Variants in BAZ1A observed in about 807,000 individuals in gnomAD.
The protein encoded by BAZ1A is bromodomain adjacent to zinc finger domain 1A, also known as bromodomain adjacent to zinc finger domain protein 1A.
Under a neutral mutation model 185.2 loss-of-function variants are expected in BAZ1A, and 50 were observed. That is an observed-to-expected ratio of 0.27 (90% CI 0.22 to 0.34). The LOEUF (loss-of-function observed/expected upper bound fraction) is 0.34. BAZ1A is among the 10% of genes least tolerant of loss of function. The probability of loss-of-function intolerance (pLI) is 1.00; values close to 1 mark genes in which losing one functional copy is unlikely to be tolerated. For synonymous variants in BAZ1A, 571 were observed against 615.6 expected, an observed-to-expected ratio of 0.93 and a Z score of 1.07; for missense variants, 1,356 against 1,839.9, an observed-to-expected ratio of 0.74 and a Z score of 4.81.
chr14:34,858,428 C>G (rs2042717178), intron 3 of BAZ1A, among the ~76,000 whole-genome samples: 1 of 152,080 alleles, frequency 6.6e-6, no homozygotes, highest in African/African-American at 2.4e-5. Context: ...ATTGACTACT[C>G]CCTTGTCAAT....
intron 23 of BAZ1A, 29 bp downstream of exon 23, chr14:34,764,674 TACTG>T (rs1878702052): frequency 1.9e-6 from 3 of 1,564,212 alleles, no homozygotes; most frequent in Non-Finnish European, 2.6e-6. Flanking sequence ...AACTAAGACT[TACTG>T]ACTCATTTTA....
intron 2 of BAZ1A, among the ~76,000 whole-genome samples, chr14:34,865,346 T>G (rs1371461523): frequency 6.6e-6 from 1 of 152,204 alleles, no homozygotes; most frequent in African/African-American, 2.4e-5. Flanking sequence ...TTTTCCTGCT[T>G]TACACTTTGT....
At chr14:34,767,340 A>G (rs1878918175) in intron 21 of BAZ1A, among the ~76,000 whole-genome samples, 1 of 152,138 alleles carries the variant, frequency 6.6e-6, no homozygotes, top group Non-Finnish European at 1.5e-5. Flanking sequence ...ACATGAGGCC[A>G]CGAGTTTGAG....
intron 2 of BAZ1A, among the ~76,000 whole-genome samples, chr14:34,865,993 G>A (rs909556945): frequency 4.0e-5 from 6 of 151,818 alleles, no homozygotes; most frequent in Non-Finnish European, 8.8e-5. Context: ...TTCGAGACCA[G>A]ACTGCGCAAC....
intron 4 of BAZ1A, among the ~76,000 whole-genome samples, chr14:34,819,554 C>A (rs531954325): frequency 6.6e-6 from 1 of 152,078 alleles, no homozygotes. Flanking sequence ...ATTTAAATTT[C>A]TTTTAGTACA....
chr14:34,826,452 T>C (rs1457837077), intron 3 of BAZ1A, among the ~76,000 whole-genome samples: 4 of 152,234 alleles, frequency 2.6e-5, no homozygotes, highest in Non-Finnish European at 5.9e-5. Flanking sequence ...GTTGTAAAGT[T>C]AGGTTGCTGA....
intron 11 of BAZ1A, among the ~76,000 whole-genome samples, chr14:34,793,569 G>A (rs1296531411): frequency 6.6e-6 from 1 of 152,198 alleles, no homozygotes; most frequent in East Asian, 1.9e-4. Context: ...AGCACTTTGC[G>A]AGGCCAAGGT....
At chr14:34,758,234 A>T (rs2138530716) in intron 25 of BAZ1A, among the ~76,000 whole-genome samples, 1 of 151,922 alleles carries the variant, frequency 6.6e-6, no homozygotes, top group East Asian at 1.9e-4. Context: ...GCGAACCAAA[A>T]TATGCCACTG....
intron 2 of BAZ1A, among the ~76,000 whole-genome samples, chr14:34,870,962 G>A (rs1217873512): frequency 1.3e-5 from 2 of 152,094 alleles, no homozygotes; most frequent in Admixed American, 1.3e-4. Context: ...AACATAATTT[G>A]GACCACCTGT....
At chr14:34,846,608 G>A (rs1038069700) in intron 3 of BAZ1A, among the ~76,000 whole-genome samples, 1 of 152,132 alleles carries the variant, frequency 6.6e-6, no homozygotes, top group African/African-American at 2.4e-5. Flanking sequence ...ATTTTCATTT[G>A]TTTTTGTGAC....
At chr14:34,851,454 T>G (rs1396134533) in intron 3 of BAZ1A, among the ~76,000 whole-genome samples, 1 of 150,944 alleles carries the variant, frequency 6.6e-6, no homozygotes, top group East Asian at 2.0e-4. Flanking sequence ...TCTCTCAAAC[T>G]CTAATTCTAT....
At chr14:34,770,259 T>C (rs986975622) in intron 21 of BAZ1A, among the ~76,000 whole-genome samples, 1 of 152,234 alleles carries the variant, frequency 6.6e-6, no homozygotes, top group Non-Finnish European at 1.5e-5. Context: ...GTTCAAGCGA[T>C]TCTCCTGCCT....
intron 16 of BAZ1A, among the ~76,000 whole-genome samples, chr14:34,782,010 C>T (rs981484202): frequency 5.3e-5 from 8 of 152,154 alleles, no homozygotes; most frequent in African/African-American, 1.4e-4. Context: ...TTTGTGTATA[C>T]ATTTTTGGAT....
rs770503386 is a variant in BAZ1A, at chr14:34,775,956, C to A, written c.2796G>T (p.Gln932His). 6 of 1,607,246 alleles carry A rather than the reference C, an allele frequency of 3.7e-6. No individual in the cohort carries two copies. In the African/African-American group the frequency reaches 8.0e-5, roughly 22 times the overall value. Residue 932 changes from glutamine to histidine, a missense_variant, in exon 18 of 27, where the codon CAG becomes CAT. Physicochemically the swap from Gln to His is conservative, Grantham distance 24 (BLOSUM62 0). This residue lies in a region of BAZ1A where 434 missense variants were observed against 561.7 expected (regional missense o/e 0.77). Transcript: ENST00000360310. ...ATTTCTCTTCAGAAAAACGGGCTAG[C>A]TGTGCACATATTCTGCTTTTCTCTT... ...LLQEKSRICA[Q>H]LARFSEEKFH...
chr14:34,838,726 T>C (rs2042366834), intron 3 of BAZ1A, among the ~76,000 whole-genome samples: 1 of 152,056 alleles, frequency 6.6e-6, no homozygotes, highest in African/African-American at 2.4e-5. Context: ...GGTTTCACCA[T>C]GTTAACCAGG....
At chr14:34,830,188 T>G (rs1346177459) in intron 3 of BAZ1A, among the ~76,000 whole-genome samples, 1 of 151,954 alleles carries the variant, frequency 6.6e-6, no homozygotes, top group East Asian at 1.9e-4. Flanking sequence ...AACTTGTACA[T>G]AAATGTTCAA....
rs1886286151 is a variant in BAZ1A at position 34,757,140 on chromosome 14, G to GGGCA, written c.4386+1563_4386+1564insTGCC. Among the ~76,000 whole-genome samples the GGGCA allele has an allele frequency of 3.3e-5, 5 of 151,974 alleles. No homozygotes were observed. The South Asian group carries it at 1.0e-3, about 32-fold the overall frequency. ...AGCACTTTGGGAGGCCAAGACACAT[G>GGGCA]GATCACCTGAGGTTAGGAGTTTGAG... On this transcript the variant is annotated intron_variant, in intron 25 of 26. Coordinates refer to ENST00000360310, the MANE Select transcript of BAZ1A (RefSeq NM_013448.3).
At chr14:34,851,213 G>A (rs1354868410) in intron 3 of BAZ1A, among the ~76,000 whole-genome samples, 1 of 151,396 alleles carries the variant, frequency 6.6e-6, no homozygotes, top group African/African-American at 2.4e-5. Flanking sequence ...GGCGCCTGTA[G>A]TCCCAGCTAC....
chr14:34,798,111 G>C (rs1360046906), intron 9 of BAZ1A, among the ~76,000 whole-genome samples: 1 of 152,272 alleles, frequency 6.6e-6, no homozygotes, highest in African/African-American at 2.4e-5. Context: ...CAGTAGCCTG[G>C]CAGGGGGAGG....
Sources: gnomAD v4.1 joint callset for allele counts (sites outside exome capture counted in the v4.1 genomes callset) on GRCh38, gnomAD v4.1.1 for gene constraint, gnomAD v4.1.1 regional missense constraint, MANE v1.5 for transcripts, NCBI Gene and HGNC (gene_info 2026-07-23, HGNC 2026-07-21) for gene names.